Variants in PAG1 observed in about 807,000 individuals in gnomAD.
PAG1 encodes phosphoprotein membrane anchor with glycosphingolipid microdomains 1.
Under a neutral mutation model 31.7 loss-of-function variants are expected in PAG1, and 23 were observed. The ratio of observed to expected loss-of-function variants is 0.73; its 90% CI spans 0.52 to 1.03. PAG1 has a LOEUF of 1.03. Ranked by LOEUF, PAG1 falls within the 50% of genes least tolerant of loss-of-function variation. The pLI is 0.00. For synonymous variants in PAG1, 214 were observed against 210.3 expected, an observed-to-expected ratio of 1.02 and a Z score of -0.15; for missense variants, 473 against 540.7, an observed-to-expected ratio of 0.87 and a Z score of 1.24.
At position 81,086,223 on chromosome 8, in the gene PAG1, C is replaced by T. The variant is rs1402097339; in HGVS notation, c.-233-16053G>A. ...GTCTCGATCTCCTGACCTCGTGATC[C>T]GCCCGCCTCGGCCTCCCAAAGTGCT... On this transcript the variant is annotated intron_variant, in intron 1 of 8. Transcript: ENST00000220597. Among the ~76,000 whole-genome samples the T allele has an allele frequency of 4.0e-5, 6 of 151,734 alleles. 1 individual carries two copies. The highest frequency in any genetic ancestry group is 6.6e-5 in the Admixed American group (1 of 15,256).
At chr8:80,987,246 C>A in intron 6 of PAG1, 124 bp downstream of exon 6, 1 of 660,650 alleles carries the variant, frequency 1.5e-6, no homozygotes, top group South Asian at 1.8e-5. Context: ...TCTGCTAAAA[C>A]TGCTAGGAAT....
chr8:81,081,872 G>T (rs1809271639), intron 1 of PAG1, among the ~76,000 whole-genome samples: 1 of 152,154 alleles, frequency 6.6e-6, no homozygotes, highest in African/African-American at 2.4e-5. Flanking sequence ...TACAAATAAG[G>T]TTGCTATAAG....
At chr8:81,071,377 A>G (rs1809090964) in intron 1 of PAG1, among the ~76,000 whole-genome samples, 1 of 152,216 alleles carries the variant, frequency 6.6e-6, no homozygotes, top group Non-Finnish European at 1.5e-5. Context: ...ACACACAACG[A>G]AGAAAGGCAA....
At chr8:81,019,637 A>G (rs1312916027) in intron 3 of PAG1, among the ~76,000 whole-genome samples, 10 of 152,232 alleles carry the variant, frequency 6.6e-5, no homozygotes, top group Admixed American at 6.5e-4. Flanking sequence ...CTCCACCTAG[A>G]TTTCAGAGGA....
chr8:81,085,972 G>GTGTTTTTTTTTTTT (rs1809345255), intron 1 of PAG1, among the ~76,000 whole-genome samples: 4 of 58,876 alleles, frequency 6.8e-5, no homozygotes, highest in African/African-American at 2.9e-4. Flanking sequence ...AATCTGGCTT[G>GTGTTTTTTTTTTTT]TTTTTTTTTT....
At chr8:81,090,619 T>C (rs777558509) in intron 1 of PAG1, among the ~76,000 whole-genome samples, 20 of 152,178 alleles carry the variant, frequency 1.3e-4, no homozygotes, top group African/African-American at 2.2e-4. Context: ...ATGAGGGACA[T>C]TGAAACCAGA....
At chr8:81,093,798 A>G (rs1809484727) in intron 1 of PAG1, among the ~76,000 whole-genome samples, 1 of 152,198 alleles carries the variant, frequency 6.6e-6, no homozygotes, top group African/African-American at 2.4e-5. Flanking sequence ...AACCTCAGGA[A>G]GGAGTGTTCA....
chr8:80,992,962 GAA>G, intron 4 of PAG1, 139 bp downstream of exon 4: 2 of 640,318 alleles, frequency 3.1e-6, no homozygotes, highest in East Asian at 2.9e-5. Context: ...GCAGCAGAGA[GAA>G]GAGAGTTAAA....
chr8:81,035,860 C>T (rs914465535), intron 2 of PAG1, among the ~76,000 whole-genome samples: 1 of 151,768 alleles, frequency 6.6e-6, no homozygotes, highest in Admixed American at 6.6e-5. Context: ...CCCTGACACA[C>T]ATACACACAT....
At chr8:81,086,217 G>A (rs1384966467) in intron 1 of PAG1, among the ~76,000 whole-genome samples, 3 of 151,660 alleles carry the variant, frequency 2.0e-5, no homozygotes, top group Non-Finnish European at 2.9e-5. Context: ...TCCTGACCTC[G>A]TGATCCGCCC....
chr8:80,991,508 T>C lies in PAG1; in HGVS notation c.148A>G (p.Ser50Gly). Reference sequence around the variant, plus strand: ...TTCATCAGGTTCTCATGGTCCCCACTATGCTGTCGCGGCTTCTTTTCCCTG... The same window carrying C: ...TTCATCAGGTTCTCATGGTCCCCACCATGCTGTCGCGGCTTCTTTTCCCTG... ...CDREKKPRQHSGDHENLMNVP... is the reference protein window; with the variant it reads ...CDREKKPRQHGGDHENLMNVP... Residue 50 changes from serine to glycine, a missense_variant, in exon 5 of 9, where the codon AGT (serine) becomes GGT (glycine). By Grantham distance (56) the Ser-to-Gly change is moderately conservative. Transcript: ENST00000220597. 1 of 1,613,760 alleles carries C rather than the reference T, an allele frequency of 6.2e-7. No homozygotes were observed. The highest frequency in any genetic ancestry group is 8.5e-7 in the Non-Finnish European group (1 of 1,179,646).
At chr8:80,991,924 G>A in intron 4 of PAG1, among the ~76,000 whole-genome samples, 1 of 151,108 alleles carries the variant, frequency 6.6e-6, no homozygotes, top group African/African-American at 2.4e-5. Context: ...ACACACTGCA[G>A]TGGGATGGAG....
chr8:81,048,586 C>G (rs756112199), intron 2 of PAG1, among the ~76,000 whole-genome samples: 1 of 152,154 alleles, frequency 6.6e-6, no homozygotes, highest in Non-Finnish European at 1.5e-5. Flanking sequence ...AACAAATAAA[C>G]CATGCCCTGC....
At chr8:81,096,521 G>A (rs1454529057) in intron 1 of PAG1, among the ~76,000 whole-genome samples, 2 of 152,130 alleles carry the variant, frequency 1.3e-5, no homozygotes, top group Non-Finnish European at 1.5e-5. Context: ...GCAAAATTAT[G>A]TTCTACACAA....
At chr8:81,037,094 T>C (rs756223804) in intron 2 of PAG1, 1 of 152,188 alleles carries the variant, frequency 6.6e-6, no homozygotes, top group Non-Finnish European at 1.5e-5. Flanking sequence ...AAAAAGATTA[T>C]AAGTATGACA....
chr8:81,013,793 T>C (rs1168504984), intron 3 of PAG1, among the ~76,000 whole-genome samples: 1 of 152,156 alleles, frequency 6.6e-6, no homozygotes, highest in East Asian at 1.9e-4. Context: ...TTGGCCAGGC[T>C]GGTCTCAAAC....
intron 3 of PAG1, among the ~76,000 whole-genome samples, chr8:81,003,685 G>T (rs1215961103): frequency 6.6e-6 from 1 of 152,124 alleles, no homozygotes; most frequent in African/African-American, 2.4e-5. Context: ...CATTTCAAAA[G>T]AAGCTAAGGG....
chr8:81,032,321 G>T (rs1265185488), intron 2 of PAG1, among the ~76,000 whole-genome samples: 2 of 151,982 alleles, frequency 1.3e-5, no homozygotes, highest in African/African-American at 4.8e-5. Flanking sequence ...TGTGATAAGG[G>T]ACTTATATAT....
At chr8:81,029,713 C>T (rs541426809) in intron 3 of PAG1, 7 of 152,082 alleles carry the variant, frequency 4.6e-5, no homozygotes, top group Admixed American at 1.3e-4. Context: ...ATCTGTAACA[C>T]GAAGAAAAAA....
Sources: allele counts gnomAD v4.1 joint callset (sites outside exome capture counted in the v4.1 genomes callset), GRCh38; gene constraint gnomAD v4.1.1; transcripts MANE v1.5; gene names NCBI Gene and HGNC (gene_info 2026-07-23, HGNC 2026-07-21).